WDFY4: variants seen among roughly 807,000 people sequenced by gnomAD.
WDFY4 encodes WD repeat- and FYVE domain-containing protein 4.
In WDFY4, 169 loss-of-function variants were observed where a neutral mutation model predicts 351.9. That is an observed-to-expected ratio of 0.48 (90% CI 0.42 to 0.55). The LOEUF (loss-of-function observed/expected upper bound fraction) is 0.55, where lower values mean the gene tolerates loss of function less well. Ranked by LOEUF, WDFY4 falls within the 20% of genes least tolerant of loss-of-function variation. The probability of loss-of-function intolerance (pLI) is 0.00; values close to 1 mark genes in which losing one functional copy is unlikely to be tolerated. For synonymous variants in WDFY4, 1,622 were observed against 1,574.6 expected (o/e 1.03, Z -0.71); for missense variants, 3,803 against 3,935.6 (o/e 0.97, Z 0.90).
chr10:48,897,112 T>G (rs1351818194), intron 44 of WDFY4, among the ~76,000 whole-genome samples: 1 of 152,114 alleles, frequency 6.6e-6, no homozygotes, highest in Non-Finnish European at 1.5e-5. Flanking sequence ...CCAGGGGCCT[T>G]CTCACCCCGA....
intron 47 of WDFY4, among the ~76,000 whole-genome samples, chr10:48,927,248 A>T (rs548988210): frequency 4.3e-4 from 65 of 152,106 alleles, no homozygotes; most frequent in African/African-American, 1.5e-3. Context: ...GCTTCCACAC[A>T]CATCCTCAGA....
chr10:48,745,933 T>TAGGC (rs1279021530), intron 12 of WDFY4: 1 of 227,580 alleles, frequency 4.4e-6, no homozygotes, highest in Non-Finnish European at 8.7e-6. Flanking sequence ...AACAGGGGCC[T>TAGGC]CATCAGGGTT....
intron 57 of WDFY4, among the ~76,000 whole-genome samples, chr10:48,973,959 C>A (rs1842442115): frequency 6.6e-6 from 1 of 152,212 alleles, no homozygotes; most frequent in Admixed American, 6.5e-5. Context: ...CCCTTTTCTT[C>A]TTCCCAGTTT....
In WDFY4 at chr10:48,913,452, G is replaced by A. The variant is rs896531682; in HGVS notation, c.7586+11589G>A. 23 of 1,613,458 alleles carry A rather than the reference G, an allele frequency of 1.4e-5. No homozygotes were observed. Among genetic ancestry groups the A allele is most frequent in the Non-Finnish European group, 1.6e-5 (19 of 1,180,004 alleles). Reference sequence around the variant, plus strand: ...GGGTGAGATCAGATTGGGAAAGATGGTCTTTCTCGGTGTCGTCGTGGCCAT... The same window carrying A: ...GGGTGAGATCAGATTGGGAAAGATGATCTTTCTCGGTGTCGTCGTGGCCAT... On this transcript the variant is annotated intron_variant, in intron 47 of 61. Coordinates refer to ENST00000325239, the MANE Select transcript of WDFY4 (RefSeq NM_001394531.1).
At chr10:48,756,848 G>C (rs144092448) in intron 12 of WDFY4, among the ~76,000 whole-genome samples, 1 of 152,144 alleles carries the variant, frequency 6.6e-6, no homozygotes, top group East Asian at 1.9e-4. Flanking sequence ...TTTGCTGATT[G>C]TTGAGGATTT....
At position 48,867,228 on chromosome 10, in the gene WDFY4, T is replaced by C. The variant is rs539924079; in HGVS notation, c.6664-37T>C. 4.8e-4 allele frequency: 345 copies of C among 718,862 alleles called. 5 individuals are homozygous for C. In the South Asian group the frequency reaches 0.012, roughly 25 times the overall value. The allele number at this position is 718,862 out of a possible 1,614,324, so 44.5% of individuals were successfully genotyped here. ...AAATAAAATAAAATAAAATCACAAC[T>C]ATCATTAAGCTGTGACTTGTTTTCT... On this transcript the variant is annotated intron_variant, in intron 39 of 61. Transcript: ENST00000325239.
At chr10:48,811,413 A>G (rs1589667638) in intron 29 of WDFY4, 126 bp from the exon 30 acceptor site, 3 of 781,076 alleles carry the variant, frequency 3.8e-6, no homozygotes, top group East Asian at 5.4e-5. Flanking sequence ...ATGTGTGAAT[A>G]TATTTTATCA....
chr10:48,935,568 C>T (rs912551992), intron 47 of WDFY4, among the ~76,000 whole-genome samples: 3 of 152,240 alleles, frequency 2.0e-5, no homozygotes, highest in Non-Finnish European at 4.4e-5. Context: ...CCCCTTTCTT[C>T]GAATTTGTGC....
Position 48,787,851 on chromosome 10 carries a change from CTTCTTCT to C in WDFY4, c.3809-670_3809-664del, listed in dbSNP as rs1447904034. Among the ~76,000 whole-genome samples the C allele has an allele frequency of 1.0e-3, 138 of 135,556 alleles. 10 individuals carry two copies. The highest frequency in any genetic ancestry group is 2.7e-3 in the African/African-American group (83 of 31,020). 88.9% of individuals were successfully genotyped at this position (135,556 alleles called of 152,430 possible). On this transcript the variant is annotated intron_variant, in intron 20 of 61. Transcript: ENST00000325239. ...TCTTCTTCTTCTTCTTCTTCTTCTT[CTTCTTCT>C]TTCTTCTTCTTTCTTCTTTCTTTCT...
In WDFY4 at chr10:48,810,694, C is replaced by T; in HGVS notation, c.5003C>T (p.Ser1668Phe). The part of the protein sequence containing the change: ...TRFRDGLCAG[S>F]WVERSTEGVD... ...TTTAGAGATGGCCTGTGTGCAGGAT[C>T]CTGGGTGGAACGCAGCACTGAGGGC... The change falls in exon 29 of 62, where the codon TCC becomes TTC. Residue 1668 changes from serine to phenylalanine, a missense_variant. Coordinates refer to ENST00000325239, the MANE Select transcript of WDFY4 (RefSeq NM_001394531.1). 1 of 1,550,310 alleles carries T rather than the reference C, an allele frequency of 6.5e-7. No homozygotes were observed. The highest frequency in any genetic ancestry group is 1.2e-5 in the South Asian group (1 of 83,848).
chr10:48,979,563 A>T (rs1473965672), intron 60 of WDFY4: 1 of 145,374 alleles, frequency 6.9e-6, no homozygotes, highest in Non-Finnish European at 1.5e-5. Flanking sequence ...GGATGGATGG[A>T]TGGAAGGATG....
chr10:48,731,363 C>T lies in WDFY4; in HGVS notation c.1383C>T (p.Tyr461=), dbSNP rs752971235. The change falls in exon 9 of 62, where the codon TAC becomes TAT. Residue 461 remains tyrosine, a synonymous_variant. Transcript: ENST00000325239. ...AGGCCCTGGTGTTCGAGCTGCACTACGTGCCTCATGAGATCCTGCGAAAGG... is the reference window on the plus strand; with the variant it reads ...AGGCCCTGGTGTTCGAGCTGCACTATGTGCCTCATGAGATCCTGCGAAAGG... The part of the protein sequence containing the change: ...LLEALVFELH[Y]VPHEILRKVQ... 3.9e-5 allele frequency: 61 copies of T among 1,551,652 alleles called. No individual in the cohort carries two copies. Among genetic ancestry groups the T allele is most frequent in the Admixed American group, 3.1e-4 (16 of 50,986 alleles).
At chr10:48,931,070 C>T (rs957480945) in intron 47 of WDFY4, among the ~76,000 whole-genome samples, 2 of 143,828 alleles carry the variant, frequency 1.4e-5, no homozygotes, top group African/African-American at 5.1e-5. Flanking sequence ...AAGGTACAAA[C>T]ACACATGCAT....
intron 51 of WDFY4, 142 bp from the exon 52 acceptor site, chr10:48,956,987 G>T (rs1357571676): frequency 1.8e-6 from 2 of 1,122,486 alleles, no homozygotes; most frequent in African/African-American, 3.1e-5. Context: ...ACACATCTGG[G>T]CTGATGGGTA....
chr10:48,709,953 C>A lies in WDFY4; in HGVS notation c.221C>A (p.Pro74His). Residue 74 changes from proline (P) to histidine (H), a missense_variant, in exon 2 of 62, where the codon CCC (proline) becomes CAC (histidine). Around this residue, in one of 3 missense-constraint regions of WDFY4, gnomAD observed 488 missense variants for 456.8 expected, o/e 1.07. Transcript: ENST00000325239. ...CAGAAGAGCCTGTTGAGTCTTCTCCCCCTATTCCTAAAGGTTAGTGTTCTT... is the reference window on the plus strand; with the variant it reads ...CAGAAGAGCCTGTTGAGTCTTCTCCACCTATTCCTAAAGGTTAGTGTTCTT... Reference protein sequence around the residue: ...ERQKSLLSLLPLFLKAWEHSV... With the variant: ...ERQKSLLSLLHLFLKAWEHSV... 1 of 1,551,202 alleles carries A rather than the reference C, an allele frequency of 6.4e-7. No individual in the cohort carries two copies.
At chr10:48,892,237 G>T (rs1347827910) in intron 44 of WDFY4, among the ~76,000 whole-genome samples, 1 of 152,220 alleles carries the variant, frequency 6.6e-6, no homozygotes, top group African/African-American at 2.4e-5. Context: ...TTTAGATAGT[G>T]TTAGATAAGA....
chr10:48,739,516 G>A (rs368312082), intron 11 of WDFY4, among the ~76,000 whole-genome samples: 5 of 152,286 alleles, frequency 3.3e-5, no homozygotes, highest in African/African-American at 1.2e-4. Context: ...CCGAAGTAGA[G>A]AAGTATTTAT....
At chr10:48,720,999 G>C (rs924708451) in intron 3 of WDFY4, among the ~76,000 whole-genome samples, 1 of 152,242 alleles carries the variant, frequency 6.6e-6, no homozygotes, top group Non-Finnish European at 1.5e-5. Flanking sequence ...CGATTAGCTT[G>C]TTCTTACTCA....
intron 13 of WDFY4, among the ~76,000 whole-genome samples, 177 bp from the exon 14 acceptor site, chr10:48,774,281 C>A (rs948693268): frequency 1.3e-5 from 1 of 79,736 alleles, no homozygotes; most frequent in Admixed American, 1.1e-4. Context: ...TTGCCCCCCG[C>A]CAGGTGAGGA....
Sources: gnomAD v4.1 joint callset for allele counts (sites outside exome capture counted in the v4.1 genomes callset) on GRCh38, gnomAD v4.1.1 for gene constraint, gnomAD v4.1.1 regional missense constraint, MANE v1.5 for transcripts, NCBI Gene and HGNC (gene_info 2026-07-23, HGNC 2026-07-21) for gene names.